The following ZNF850 variants were observed in gnomAD, a reference collection of about 807,000 sequenced individuals.
ZNF850 encodes zinc finger protein 850.
A neutral mutation model predicts 11.9 loss-of-function variants in ZNF850; 2 were observed. That is an observed-to-expected ratio of 0.17 (90% CI 0.07 to 0.53). ZNF850 has a LOEUF of 0.53. Ranked by LOEUF, ZNF850 falls within the 20% of genes least tolerant of loss-of-function variation. The pLI is 0.94. For synonymous variants in ZNF850, 381 were observed against 443.0 expected (o/e 0.86, Z 1.76); for missense variants, 1,014 against 1,316.4 (o/e 0.77, Z 3.55).
chr19:36,744,312 T>G lies in ZNF850; in HGVS notation c.*3455A>C, dbSNP rs189387517. On this transcript the variant is annotated 3_prime_UTR_variant, in exon 5 of 5. Transcript: ENST00000591344. ...ACTTTTTTCATAAAAAGAGTTAATT[T>G]TTAAAAGTGAAAAGTAAAAACGTTA... 3.9e-5 allele frequency: 6 copies of G among 152,240 alleles called. No individual in the cohort carries two copies. Among genetic ancestry groups the G allele is most frequent in the South Asian group, 2.1e-4 (1 of 4,816 alleles). The allele number at this position is 152,240 out of a possible 1,614,324, so 9.4% of individuals were successfully genotyped here. A position where few individuals can be genotyped will look rare whatever the true frequency, so the allele number is the denominator to read the frequency against.
At chr19:36,764,725 CTTTTTTTTT>C (rs35367899) in intron 1 of ZNF850, among the ~76,000 whole-genome samples, 1 of 126,838 alleles carries the variant, frequency 7.9e-6, no homozygotes, top group Non-Finnish European at 1.6e-5. Flanking sequence ...TTTCCTTTCC[CTTTTTTTTT>C]TTTTTTTTTT....
chr19:36,761,616 T>C, intron 4 of ZNF850, 27 bp downstream of exon 4: 1 of 1,381,644 alleles, frequency 7.2e-7, no homozygotes, highest in South Asian at 1.2e-5. Context: ...CAGCAGTGTC[T>C]TCCCCATGTG....
At chr19:36,757,529 CAG>C (rs1266027679) in intron 4 of ZNF850, among the ~76,000 whole-genome samples, 3 of 111,846 alleles carry the variant, frequency 2.7e-5, no homozygotes, top group Middle Eastern at 8.5e-3. Flanking sequence ...TTTTTTGAGA[CAG>C]AGTCTTGCTC....
rs3055095 is a variant in ZNF850, at chr19:36,745,678, CAA to C, written c.*2087_*2088del. The C allele has an allele frequency of 0.75, 105,774 of 140,992 alleles. 38,994 individuals carry two copies. The highest frequency in any genetic ancestry group is 0.8 in the East Asian group (3,891 of 4,858). The allele number at this position is 140,992 out of a possible 1,614,324, so 8.7% of individuals were successfully genotyped here. ...GGGCAACAAGAGCAAAACTCCATCT[CAA>C]AAAAAAAAAAAAGAAAAAAGAAAAA... On this transcript the variant is annotated 3_prime_UTR_variant, in exon 5 of 5. Coordinates refer to ENST00000591344, the MANE Select transcript of ZNF850 (RefSeq NM_001193552.2).
chr19:36,748,720 G>A lies in ZNF850; in HGVS notation c.2320C>T (p.Gln774Ter). The A allele has an allele frequency of 6.5e-7, 1 of 1,540,094 alleles. No homozygotes were observed. Among genetic ancestry groups the A allele is most frequent in the Non-Finnish European group, 8.7e-7 (1 of 1,147,958 alleles). ...TCACCAGTGTGTATTTGCTGATGTT[G>A]AATTAGTGTTGAGTGAGAAGTAAAA... is the stretch of plus-strand genomic sequence containing the variant. ...KSFTSHSTLIQHQQIHTGEKL... is the reference protein window; with the variant it reads ...KSFTSHSTLI The change falls in exon 5 of 5, where the codon CAA becomes TAA. Residue 774 changes from glutamine (Q) to a stop codon, truncating the protein, a stop_gained. Transcript: ENST00000591344. LOFTEE classifies it low-confidence loss of function (END_TRUNC).
rs568650132 is a variant in ZNF850, at chr19:36,750,248, C to A, written c.792G>T (p.Pro264=). 1.3e-6 allele frequency: 2 copies of A among 1,537,594 alleles called. No individual in the cohort carries two copies. The highest frequency in any genetic ancestry group is 2.0e-5 in the Admixed American group (1 of 50,966). ...ECQESVKAFR[P]SAHLIQHWRI... ...TCCAATGTTGAATAAGATGTGCAGA[C>A]GGTCTAAAGGCCTTCACGGATTCCT... The change falls in exon 5 of 5, where the codon CCG becomes CCT. Residue 264 remains proline, a synonymous_variant. Coordinates refer to ENST00000591344, the MANE Select transcript of ZNF850 (RefSeq NM_001193552.2).
chr19:36,760,082 C>A (rs1482965968), intron 4 of ZNF850, among the ~76,000 whole-genome samples: 1 of 152,198 alleles, frequency 6.6e-6, no homozygotes, highest in Non-Finnish European at 1.5e-5. Context: ...ACAGTTCTTT[C>A]TTCTAAGCAC....
chr19:36,765,312 C>T lies in ZNF850; in HGVS notation c.-69-2637G>A, dbSNP rs1367540302. 3.3e-5 allele frequency among the ~76,000 whole-genome samples: 5 copies of T among 152,216 alleles called. 1 individual carries two copies. Among genetic ancestry groups the T allele is most frequent in the Non-Finnish European group, 5.9e-5 (4 of 68,042 alleles). On this transcript the variant is annotated intron_variant, in intron 1 of 4. Coordinates refer to ENST00000591344, the MANE Select transcript of ZNF850 (RefSeq NM_001193552.2). The stretch of plus-strand genomic sequence containing the variant: ...TAGGGTCAGTATCATTTAGACATGA[C>T]AGGACCGTGGTTGCAGGGGACAGAA...
At position 36,748,109 on chromosome 19, in the gene ZNF850, A is replaced by G. The variant is rs755507651; in HGVS notation, c.2931T>C (p.Gly977=). 3 of 1,547,516 alleles carry G rather than the reference A, an allele frequency of 1.9e-6. No homozygotes were observed. The African/African-American group carries it at 4.2e-5, about 22-fold the overall frequency. The change falls in exon 5 of 5, where the codon GGT becomes GGC. Residue 977 remains glycine (G), a synonymous_variant. Transcript: ENST00000591344. ...HLTLHQRIHT[G]DRPYECKECG... Reference sequence around the variant, plus strand: ...ATTCTTTACATTCATAAGGTCTGTCACCGGTATGAATTCTCTGATGTAGAG... The same window carrying G: ...ATTCTTTACATTCATAAGGTCTGTCGCCGGTATGAATTCTCTGATGTAGAG...
intron 4 of ZNF850, among the ~76,000 whole-genome samples, chr19:36,759,125 T>C (rs1358694306): frequency 6.6e-6 from 1 of 151,574 alleles, no homozygotes; most frequent in Admixed American, 6.6e-5. Flanking sequence ...ATCTGAAAGA[T>C]TAAATATGAA....
In ZNF850 at chr19:36,750,948, C is replaced by T. The variant is rs1425030214; in HGVS notation, c.236-144G>A. On this transcript the variant is annotated intron_variant, in intron 4 of 4. Transcript: ENST00000591344. ...GGGCGTGGTGGCTCATGCCTGTAAT[C>T]CCAGCGCTTTGGGAGTCTGAGACAG... 12 of 904,606 alleles carry T rather than the reference C, an allele frequency of 1.3e-5. No homozygotes were observed. In the South Asian group the frequency reaches 1.9e-4, roughly 14 times the overall value. 56.0% of individuals were successfully genotyped at this position (904,606 alleles called of 1,614,324 possible).
intron 1 of ZNF850, among the ~76,000 whole-genome samples, chr19:36,770,738 A>AAAAAAAT (rs2040576728): frequency 7.0e-6 from 1 of 141,870 alleles, no homozygotes; most frequent in African/African-American, 2.6e-5. Flanking sequence ...AAAAAAAAAA[A>AAAAAAAT]GCCAGCACTT....
chr19:36,750,646 T>C lies in ZNF850; in HGVS notation c.394A>G (p.Ile132Val). ...TTTTCCAAATATCGCTCCTGATTTA[T>C]ATCTTGGTGCTGAAACTGGCCTTTG... is the stretch of plus-strand genomic sequence containing the variant. ...ECKGQFQHQD[I>V]NQERYLEKAI... Residue 132 changes from isoleucine to valine, a missense_variant, in exon 5 of 5, where the codon ATA (isoleucine) becomes GTA (valine). Around this residue, in one of 2 missense-constraint regions of ZNF850, gnomAD observed 835 missense variants for 1,022.0 expected, o/e 0.82. Transcript: ENST00000591344. 6.5e-7 allele frequency: 1 copy of C among 1,536,186 alleles called. No homozygotes were observed. The highest frequency in any genetic ancestry group is 8.7e-7 in the Non-Finnish European group (1 of 1,146,930).
chr19:36,760,097 T>A (rs1261398788), intron 4 of ZNF850, among the ~76,000 whole-genome samples: 1 of 152,230 alleles, frequency 6.6e-6, no homozygotes, highest in East Asian at 1.9e-4. Context: ...AAGCACCATA[T>A]TAGAAATCTC....
chr19:36,748,682 A>G lies in ZNF850; in HGVS notation c.2358T>C (p.Asp786=), dbSNP rs1215702779. ...QQIHTGEKLY[D]CKECGKSFTS... ...TAAAAGATTTCCCACATTCCTTACAATCATAGAGCTTCTCACCAGTGTGTA... is the reference window on the plus strand; with the variant it reads ...TAAAAGATTTCCCACATTCCTTACAGTCATAGAGCTTCTCACCAGTGTGTA... Residue 786 remains aspartate, a synonymous_variant, in exon 5 of 5, where the codon GAT becomes GAC. Transcript: ENST00000591344. The G allele has an allele frequency of 1.3e-5, 20 of 1,537,732 alleles. No individual in the cohort carries two copies. In the East Asian group the frequency reaches 1.5e-4, roughly 11 times the overall value.
At chr19:36,756,112 G>A (rs1477328608) in intron 4 of ZNF850, among the ~76,000 whole-genome samples, 2 of 151,918 alleles carry the variant, frequency 1.3e-5, no homozygotes, top group Non-Finnish European at 2.9e-5. Flanking sequence ...TACCATGTTG[G>A]CCAGGATAGT....
At chr19:36,754,705 G>A (rs1428074465) in intron 4 of ZNF850, among the ~76,000 whole-genome samples, 4 of 151,978 alleles carry the variant, frequency 2.6e-5, no homozygotes, top group Non-Finnish European at 4.4e-5. Context: ...ACAGGCGCCT[G>A]CCACCACGCC....
At chr19:36,752,719 CAT>C (rs1218022607) in intron 4 of ZNF850, among the ~76,000 whole-genome samples, 1 of 151,990 alleles carries the variant, frequency 6.6e-6, no homozygotes, top group Non-Finnish European at 1.5e-5. Flanking sequence ...GTTTCTTCAA[CAT>C]ATAAATTTCA....
intron 3 of ZNF850, among the ~76,000 whole-genome samples, chr19:36,761,993 C>A (rs2040521306): frequency 6.7e-6 from 1 of 149,422 alleles, no homozygotes; most frequent in African/African-American, 2.5e-5. Context: ...TTGGAGTGAA[C>A]CGAGATCATG....
Sources: gnomAD v4.1 joint callset for allele counts (sites outside exome capture counted in the v4.1 genomes callset) on GRCh38, gnomAD v4.1.1 for gene constraint, gnomAD v4.1.1 regional missense constraint, MANE v1.5 for transcripts, NCBI Gene and HGNC (gene_info 2026-07-23, HGNC 2026-07-21) for gene names.